Variants in SLC26A11 observed in about 807,000 individuals in gnomAD.
SLC26A11 encodes the protein sodium-independent sulfate anion transporter.
In SLC26A11, 58 loss-of-function variants were observed where a neutral mutation model predicts 62.2. The ratio of observed to expected loss-of-function variants is 0.93; its 90% confidence interval spans 0.76 to 1.16. The LOEUF is 1.16. Among genes scored for constraint, SLC26A11 ranks in the 50% most tolerant of loss-of-function variants. The pLI is 0.00. For synonymous variants in SLC26A11, 411 were observed against 368.9 expected (o/e 1.11, Z -1.31); for missense variants, 790 against 794.3 (o/e 0.99, Z 0.06).
At chr17:80,237,372 C>T (rs1176099821) in intron 8 of SLC26A11, 150 bp from the exon 9 acceptor site, 9 of 800,978 alleles carry the variant, frequency 1.1e-5, no homozygotes, top group Admixed American at 5.6e-5. Flanking sequence ...CAGCACCTGG[C>T]GCCTCTTCAG....
intron 16 of SLC26A11, 85 bp from the exon 17 acceptor site, chr17:80,251,242 ACT>A (rs2043147116): frequency 6.2e-7 from 1 of 1,612,416 alleles, no homozygotes; most frequent in African/African-American, 1.3e-5. Context: ...TCTCCGGGAG[ACT>A]CTGAGATGGC....
At chr17:80,237,677 C>T (rs1012705880) in intron 9 of SLC26A11, 83 bp downstream of exon 9, 12 of 1,319,910 alleles carry the variant, frequency 9.1e-6, no homozygotes, top group African/African-American at 8.8e-5. Context: ...TGCCTTTATC[C>T]GTTACTAGTT....
chr17:80,220,449 AC>A lies in SLC26A11; in HGVS notation c.-258del. ...GGCCTGTCCCCGGCGATTCCTGCGG[AC>A]CCAGCTGCGGCGACGCCAGGAGACC... On this transcript the variant is annotated 5_prime_UTR_variant, in exon 1 of 18. Transcript: ENST00000361193. The A allele has an allele frequency of 1.2e-6, 1 of 848,838 alleles. No homozygotes were observed. Among genetic ancestry groups the A allele is most frequent in the Non-Finnish European group, 1.6e-6 (1 of 608,676 alleles). The allele number at this position is 848,838 out of a possible 1,614,324, so 52.6% of individuals were successfully genotyped here.
intron 5 of SLC26A11, among the ~76,000 whole-genome samples, chr17:80,224,409 G>C (rs1220179037): frequency 2.1e-5 from 3 of 145,014 alleles, no homozygotes; most frequent in African/African-American, 5.1e-5. Flanking sequence ...GTGTGAGAGT[G>C]AGTGTGAGTG....
chr17:80,223,740 TTTAG>T lies in SLC26A11; in HGVS notation c.513+408_513+411del, dbSNP rs1160112244. 6.6e-6 allele frequency among the ~76,000 whole-genome samples: 1 copy of T among 152,054 alleles called. No individual in the cohort carries two copies. Among genetic ancestry groups the T allele is most frequent in the Non-Finnish European group, 1.5e-5 (1 of 68,048 alleles). ...TAGGCAAATTATTTCCCCATGCCAATTTAGTTAGATGGTTTTGTTTTGTGCTTTT... is the reference window on the plus strand; with the variant it reads ...TAGGCAAATTATTTCCCCATGCCAATTTAGATGGTTTTGTTTTGTGCTTTT... On this transcript the variant is annotated intron_variant, in intron 5 of 17. Transcript: ENST00000361193. The surrounding 1 kb of genome is among the most constrained non-coding windows in gnomAD (Gnocchi z 4.6).
intron 6 of SLC26A11, among the ~76,000 whole-genome samples, chr17:80,226,401 G>A (rs1181638852): frequency 1.3e-5 from 2 of 152,052 alleles, no homozygotes; most frequent in African/African-American, 4.8e-5. Flanking sequence ...CCCTCAGGTG[G>A]TTTAAAGAGC....
intron 5 of SLC26A11, among the ~76,000 whole-genome samples, chr17:80,224,298 CGT>C (rs555123036): frequency 0.017 from 1,422 of 83,804 alleles, 11 homozygotes; most frequent in Middle Eastern, 0.052. Context: ...AGTGAGTGTG[CGT>C]GTGTGTGTGA....
At chr17:80,247,861 C>G (rs1436666074) in intron 13 of SLC26A11, among the ~76,000 whole-genome samples, 1 of 152,192 alleles carries the variant, frequency 6.6e-6, no homozygotes, top group African/African-American at 2.4e-5. Flanking sequence ...CCTGACAAGC[C>G]CCTGCTGCTG....
At chr17:80,234,478 G>GTTT (rs548511874) in intron 7 of SLC26A11, among the ~76,000 whole-genome samples, 4 of 143,324 alleles carry the variant, frequency 2.8e-5, no homozygotes, top group South Asian at 2.3e-4. Flanking sequence ...TTTTTTGTTT[G>GTTT]TTTGTTTTTT....
At chr17:80,244,702 T>G (rs1271020200) in intron 10 of SLC26A11, among the ~76,000 whole-genome samples, 3 of 151,424 alleles carry the variant, frequency 2.0e-5, no homozygotes, top group Non-Finnish European at 4.4e-5. Context: ...ATTAACTGGG[T>G]GTGGTGGCAC....
intron 9 of SLC26A11, among the ~76,000 whole-genome samples, chr17:80,238,975 G>A (rs765405023): frequency 4.2e-4 from 63 of 150,558 alleles, no homozygotes; most frequent in Non-Finnish European, 5.9e-4. Flanking sequence ...ACAGGCATGC[G>A]CCACCACGCC....
At position 80,248,207 on chromosome 17, in the gene SLC26A11, C is replaced by T; in HGVS notation, c.1372C>T (p.Leu458=). ...EVQYGILAGA[L]VSLLMLLHSA... is the part of the protein sequence containing the mutation. Reference sequence around the variant, plus strand: ...GCAGTACGGCATCCTGGCCGGGGCCCTGGTGTCTCTGCTCATGCTCCTGCA... The same window carrying T: ...GCAGTACGGCATCCTGGCCGGGGCCTTGGTGTCTCTGCTCATGCTCCTGCA... The change falls in exon 14 of 18, where the codon CTG becomes TTG. Residue 458 remains leucine (L), a synonymous_variant. Transcript: ENST00000361193. 3 of 1,609,730 alleles carry T rather than the reference C, an allele frequency of 1.9e-6. No individual in the cohort carries two copies. Among genetic ancestry groups the T allele is most frequent in the Non-Finnish European group, 2.5e-6 (3 of 1,179,648 alleles).
intron 5 of SLC26A11, among the ~76,000 whole-genome samples, chr17:80,224,689 T>C (rs2042355936): frequency 6.6e-6 from 1 of 152,156 alleles, no homozygotes; most frequent in Non-Finnish European, 1.5e-5. Flanking sequence ...TTTCAGGGCA[T>C]GGTTGGTTCT....
chr17:80,227,288 A>G (rs544675816), intron 6 of SLC26A11, among the ~76,000 whole-genome samples: 117 of 152,372 alleles, frequency 7.7e-4, no homozygotes, highest in African/African-American at 2.6e-3. Context: ...CATGGCCCAC[A>G]GGCTGTGGGT....
In SLC26A11 at chr17:80,245,311, T is replaced by TA. The variant is rs1842546893; in HGVS notation, c.1097+56dup. 1.1e-5 allele frequency: 18 copies of TA among 1,574,230 alleles called. No individual in the cohort carries two copies. In the South Asian group the frequency reaches 1.9e-4, roughly 17 times the overall value. On this transcript the variant is annotated intron_variant, in intron 11 of 17. Transcript: ENST00000361193. ...CCCACGTTGGACGCCCTAACGTTGT[T>TA]ACGCTGACAAGGAGTCTGCCTGCCC...
intron 9 of SLC26A11, among the ~76,000 whole-genome samples, chr17:80,238,817 TTTGTTTTTTG>T (rs1226948247): frequency 1.4e-5 from 2 of 141,264 alleles, no homozygotes; most frequent in Non-Finnish European, 3.0e-5. Flanking sequence ...AGGAGTTTTT[TTTGTTTTTTG>T]TTTTTTTTTT....
intron 7 of SLC26A11, among the ~76,000 whole-genome samples, chr17:80,236,371 C>A (rs2042690423): frequency 6.6e-6 from 1 of 152,232 alleles, no homozygotes; most frequent in Non-Finnish European, 1.5e-5. Flanking sequence ...CCAGCATTGC[C>A]CCCTGAACTC....
intron 10 of SLC26A11, 98 bp downstream of exon 10, chr17:80,241,919 G>C: frequency 1.5e-6 from 2 of 1,342,968 alleles, no homozygotes; most frequent in African/African-American, 1.4e-5. Context: ...AGACCATGAT[G>C]GTGGTGATGA....
At chr17:80,244,988 A>AG (rs1280998827) in intron 10 of SLC26A11, among the ~76,000 whole-genome samples, 1 of 151,576 alleles carries the variant, frequency 6.6e-6, no homozygotes, top group African/African-American at 2.4e-5. Context: ...AAAAAAAAAA[A>AG]AAAAAAAAAG....
Sources: allele counts gnomAD v4.1 joint callset (sites outside exome capture counted in the v4.1 genomes callset), GRCh38; gene constraint gnomAD v4.1.1; non-coding constraint Gnocchi (gnomAD v3.1); transcripts MANE v1.5; gene names NCBI Gene and HGNC (gene_info 2026-07-23, HGNC 2026-07-21).